Variants in MARK4 observed in about 807,000 individuals in gnomAD.
MARK4 encodes the protein microtubule affinity regulating kinase 4.
MARK4 carries 19 observed loss-of-function variants against 81.5 expected under a neutral mutation model. That is an observed-to-expected ratio of 0.23 (90% CI 0.16 to 0.34). MARK4 has a LOEUF of 0.34. MARK4 is among the 10% of genes least tolerant of loss of function. The pLI is 1.00. For missense variants in MARK4, 772 were observed against 1,058.8 expected (o/e 0.73, Z 3.76); for synonymous variants, 436 against 439.0 (o/e 0.99, Z 0.08).
At chr19:45,272,373 A>G (rs886873742) in intron 8 of MARK4, among the ~76,000 whole-genome samples, 3 of 152,118 alleles carry the variant, frequency 2.0e-5, no homozygotes, top group African/African-American at 7.2e-5. Context: ...CGTATATGCT[A>G]CGCTGTGGGT....
chr19:45,278,334 G>A (rs981165997), intron 9 of MARK4, among the ~76,000 whole-genome samples, 182 bp from the exon 10 acceptor site: 3 of 152,090 alleles, frequency 2.0e-5, no homozygotes, highest in Non-Finnish European at 4.4e-5. Context: ...GAGGAGGGAG[G>A]GTGGCATCAG....
At chr19:45,281,247 T>C (rs1419443527) in intron 12 of MARK4, among the ~76,000 whole-genome samples, 1 of 151,624 alleles carries the variant, frequency 6.6e-6, no homozygotes, top group African/African-American at 2.4e-5. Context: ...AGAGATGGGG[T>C]TTCACCATGT....
In MARK4 at chr19:45,302,295, T is replaced by G; in HGVS notation, c.1923-79T>G. 1 of 1,598,848 alleles carries G rather than the reference T, an allele frequency of 6.3e-7. No homozygotes were observed. The highest frequency in any genetic ancestry group is 8.5e-7 in the Non-Finnish European group (1 of 1,171,000). ...GGATGGCTAGGAATGTGTCCCGAAT[T>G]GGGAAGAGTTGTCCCTTCAGCCCTC... is the stretch of plus-strand genomic sequence containing the variant. On this transcript the variant is annotated intron_variant, in intron 16 of 16. Coordinates refer to ENST00000262891, the MANE Select transcript of MARK4 (RefSeq NM_001199867.2). The surrounding 1 kb of genome is among the most constrained non-coding windows in gnomAD (Gnocchi z 4.9).
intron 8 of MARK4, among the ~76,000 whole-genome samples, chr19:45,276,701 C>T (rs1282893246): frequency 6.6e-6 from 1 of 150,524 alleles, no homozygotes; most frequent in Non-Finnish European, 1.5e-5. Context: ...TCTCGGCTCA[C>T]TGCAACCTCC....
At chr19:45,298,526 C>T (rs140483433) in intron 15 of MARK4, among the ~76,000 whole-genome samples, 100 of 152,254 alleles carry the variant, frequency 6.6e-4, no homozygotes, top group African/African-American at 2.3e-3. Flanking sequence ...AATGAAGTGA[C>T]GTATGGACTG....
chr19:45,264,007 C>T (rs1036051325), intron 4 of MARK4, among the ~76,000 whole-genome samples: 4 of 152,108 alleles, frequency 2.6e-5, no homozygotes, highest in East Asian at 1.9e-4. Flanking sequence ...TGGGCAGAGG[C>T]GGGAGTGAGG....
At chr19:45,270,774 C>T (rs1052914669) in intron 7 of MARK4, among the ~76,000 whole-genome samples, 15 of 151,782 alleles carry the variant, frequency 9.9e-5, no homozygotes, top group African/African-American at 3.6e-4. Context: ...TAATTTTTAT[C>T]TTTATGTTTT....
intron 13 of MARK4, 93 bp downstream of exon 13, chr19:45,287,757 C>G (rs1369779050): frequency 1.4e-6 from 2 of 1,382,620 alleles, no homozygotes; most frequent in African/African-American, 2.9e-5. Flanking sequence ...GACGGAACTC[C>G]TTCTTACCAA....
At chr19:45,263,428 G>T in intron 4 of MARK4, 61 bp downstream of exon 4, 1 of 1,605,728 alleles carries the variant, frequency 6.2e-7, no homozygotes, top group East Asian at 2.2e-5. Flanking sequence ...AGGAGTTGGG[G>T]GTGGTGGCAG....
In MARK4 at chr19:45,266,335, C is replaced by T. The variant is rs543940325; in HGVS notation, c.549+54C>T. On this transcript the variant is annotated intron_variant, in intron 7 of 16. Transcript: ENST00000262891. ...GGACCACGGCTCAGCCCACAGACTTCTCCCTGCCCCCACCCCTCCATGGTT... is the reference window on the plus strand; with the variant it reads ...GGACCACGGCTCAGCCCACAGACTTTTCCCTGCCCCCACCCCTCCATGGTT... 3.3e-5 allele frequency: 52 copies of T among 1,556,956 alleles called. No individual in the cohort carries two copies. In the East Asian group the frequency reaches 1.1e-3, roughly 32 times the overall value.
chr19:45,283,914 T>TTCACCTAG (rs1970709580), intron 12 of MARK4, among the ~76,000 whole-genome samples: 2 of 152,204 alleles, frequency 1.3e-5, no homozygotes, highest in African/African-American at 2.4e-5. Context: ...GTGAAGTTCT[T>TTCACCTAG]ACTCTGGGAC....
rs755998757 is a variant in MARK4 at position 45,251,553 on chromosome 19, C to A, written c.-36C>A. The stretch of plus-strand genomic sequence containing the variant: ...GGGACCCTGGGACCCCCGCCCCCCC[C>A]ACCCGGCCGCCCCTGCCCCCCGGGA... On this transcript the variant is annotated 5_prime_UTR_variant, in exon 1 of 17. Transcript: ENST00000262891. 5.0e-5 allele frequency: 39 copies of A among 785,994 alleles called. No homozygotes were observed. The highest frequency in any genetic ancestry group is 4.7e-4 in the African/African-American group (24 of 51,520). 48.7% of individuals were successfully genotyped at this position (785,994 alleles called of 1,614,324 possible).
At chr19:45,301,557 C>CAAA (rs10630193) in intron 16 of MARK4, among the ~76,000 whole-genome samples, 10,766 of 49,258 alleles carry the variant, frequency 0.22, 2,294 homozygotes, top group Non-Finnish European at 0.25. Context: ...AACTCTGTCT[C>CAAA]AAAAAAAAAA....
rs117891486 is a variant in MARK4, at chr19:45,302,752, C to T, written c.*42C>T. 3,786 of 1,533,756 alleles carry T rather than the reference C, an allele frequency of 2.5e-3. 17 individuals are homozygous for T. Among genetic ancestry groups the T allele is most frequent in the Non-Finnish European group, 2.5e-3 (2,918 of 1,145,840 alleles). On this transcript the variant is annotated 3_prime_UTR_variant, in exon 17 of 17. Transcript: ENST00000262891. The surrounding 1 kb of genome is among the most constrained non-coding windows in gnomAD (Gnocchi z 4.9). ...GGCCCTTACTCTTCCTCTCCCTTGT[C>T]GCCTTCACTTCTACAGGAGGGGAAG...
At chr19:45,287,716 TC>T in intron 13 of MARK4, 52 bp downstream of exon 13, 1 of 1,558,734 alleles carries the variant, frequency 6.4e-7, no homozygotes, top group Non-Finnish European at 8.7e-7. Flanking sequence ...TGGGCCACAT[TC>T]CTCAGGCCCT....
chr19:45,285,290 C>T (rs1478538744), intron 12 of MARK4, among the ~76,000 whole-genome samples: 1 of 146,418 alleles, frequency 6.8e-6, no homozygotes, highest in Non-Finnish European at 1.5e-5. Flanking sequence ...AAAAAAGAAT[C>T]CAGCCCAAGT....
At chr19:45,286,937 C>T (rs1439283463) in intron 12 of MARK4, among the ~76,000 whole-genome samples, 1 of 152,056 alleles carries the variant, frequency 6.6e-6, no homozygotes, top group Admixed American at 6.6e-5. Context: ...TGTACTGGTG[C>T]ATAAAGTGCT....
intron 2 of MARK4, among the ~76,000 whole-genome samples, chr19:45,259,497 C>T (rs1296451268): frequency 6.6e-6 from 1 of 152,214 alleles, no homozygotes; most frequent in Non-Finnish European, 1.5e-5. Context: ...TGCATTGGCT[C>T]ACACGTGTAA....
intron 13 of MARK4, among the ~76,000 whole-genome samples, chr19:45,290,754 C>T (rs1364920895): frequency 2.6e-5 from 4 of 152,314 alleles, no homozygotes; most frequent in Admixed American, 6.5e-5. Flanking sequence ...TGGCAATGAC[C>T]GGCTGTGTTT....
Sources: allele counts gnomAD v4.1 joint callset (sites outside exome capture counted in the v4.1 genomes callset), GRCh38; gene constraint gnomAD v4.1.1; non-coding constraint Gnocchi (gnomAD v3.1); transcripts MANE v1.5; gene names NCBI Gene and HGNC (gene_info 2026-07-23, HGNC 2026-07-21).